PDE7B: variants seen among roughly 807,000 people sequenced by gnomAD.
PDE7B encodes the protein phosphodiesterase 7B.
Under a neutral mutation model 56.2 loss-of-function variants are expected in PDE7B, and 29 were observed. The observed-to-expected ratio is 0.52, with a 90% CI of 0.38 to 0.70. The LOEUF is 0.70. PDE7B is among the 30% of genes least tolerant of loss of function. PDE7B has a pLI of 0.00. For missense variants in PDE7B, 490 were observed against 565.0 expected (o/e 0.87, Z 1.35); for synonymous variants, 197 against 196.9 (o/e 1.00, Z 0.00).
At chr6:136,101,433 A>C (rs2128217210) in intron 2 of PDE7B, among the ~76,000 whole-genome samples, 1 of 152,160 alleles carries the variant, frequency 6.6e-6, no homozygotes, top group Admixed American at 6.5e-5. Context: ...TTATTGCCTC[A>C]ATTTCAGAAC....
intron 2 of PDE7B, among the ~76,000 whole-genome samples, chr6:135,953,419 G>C (rs960599102): frequency 6.6e-6 from 1 of 152,280 alleles, no homozygotes; most frequent in Non-Finnish European, 1.5e-5. Context: ...ATAACTGTGT[G>C]AGCAGAGGCA....
intron 2 of PDE7B, among the ~76,000 whole-genome samples, chr6:135,985,596 C>T (rs1333466937): frequency 6.6e-6 from 1 of 152,188 alleles, no homozygotes; most frequent in African/African-American, 2.4e-5. Flanking sequence ...GAACAACTTC[C>T]TGTCATCTAG....
chr6:135,967,462 A>C (rs1775014501), intron 2 of PDE7B, among the ~76,000 whole-genome samples: 1 of 152,170 alleles, frequency 6.6e-6, no homozygotes, highest in Non-Finnish European at 1.5e-5. Flanking sequence ...GCCTTTAGTG[A>C]AAAATGACTA....
intron 2 of PDE7B, among the ~76,000 whole-genome samples, chr6:136,078,625 GA>G (rs1477604674): frequency 5.3e-5 from 8 of 151,856 alleles, no homozygotes; most frequent in Non-Finnish European, 1.0e-4. Context: ...CAAAAGAGAG[GA>G]AAAAAGCTCT....
intron 1 of PDE7B, among the ~76,000 whole-genome samples, chr6:135,941,952 T>C (rs959298993): frequency 1.3e-5 from 2 of 152,154 alleles, no homozygotes; most frequent in African/African-American, 4.8e-5. Context: ...AATAAAAAGA[T>C]ATATGAAAGC....
intron 2 of PDE7B, among the ~76,000 whole-genome samples, chr6:136,057,469 A>C (rs1040088501): frequency 6.6e-6 from 1 of 152,178 alleles, no homozygotes; most frequent in Non-Finnish European, 1.5e-5. Context: ...AATTACCAAA[A>C]TGTTCTGAAT....
chr6:135,906,891 C>T (rs890338259), intron 1 of PDE7B, among the ~76,000 whole-genome samples: 2 of 126,910 alleles, frequency 1.6e-5, no homozygotes, highest in African/African-American at 6.0e-5. Context: ...AATGAGAAAT[C>T]GTTTGAGTCT....
chr6:135,943,880 G>A (rs1161109991), intron 1 of PDE7B, among the ~76,000 whole-genome samples: 3 of 152,202 alleles, frequency 2.0e-5, no homozygotes, highest in African/African-American at 7.2e-5. Context: ...TATCCTCTGT[G>A]CTGTGGAAGG....
intron 7 of PDE7B, among the ~76,000 whole-genome samples, chr6:136,154,416 CAA>C (rs5880284): frequency 0.43 from 54,106 of 124,416 alleles, 9,508 homozygotes; most frequent in South Asian, 0.49. Flanking sequence ...TGTATTTGGA[CAA>C]AAAAAAAAAA....
intron 2 of PDE7B, among the ~76,000 whole-genome samples, chr6:136,089,626 G>A (rs943847005): frequency 1.1e-4 from 17 of 152,242 alleles, no homozygotes; most frequent in East Asian, 7.7e-4. Context: ...TAGATTTTCC[G>A]AATGTTGAAA....
chr6:135,956,518 C>T (rs1434228646), intron 2 of PDE7B, among the ~76,000 whole-genome samples: 1 of 152,128 alleles, frequency 6.6e-6, no homozygotes, highest in Non-Finnish European at 1.5e-5. Flanking sequence ...GTGGCTCATG[C>T]CTGTAATCTC....
At chr6:136,158,348 AT>A (rs1778646157) in intron 8 of PDE7B, among the ~76,000 whole-genome samples, 2 of 152,252 alleles carry the variant, frequency 1.3e-5, no homozygotes, top group African/African-American at 2.4e-5. Context: ...AATGAAAAAA[AT>A]ATATGTACAT....
chr6:136,032,220 A>G (rs1776256525), intron 2 of PDE7B, among the ~76,000 whole-genome samples: 1 of 152,192 alleles, frequency 6.6e-6, no homozygotes, highest in Non-Finnish European at 1.5e-5. Context: ...GGGCCTGAAG[A>G]TACATGTTCA....
intron 1 of PDE7B, among the ~76,000 whole-genome samples, chr6:135,899,888 AT>A (rs201016477): frequency 0.021 from 3,146 of 152,160 alleles, 74 homozygotes; most frequent in Non-Finnish European, 0.032. Flanking sequence ...TGGATATATG[AT>A]TTTTTGTTAA....
At chr6:135,963,146 G>A (rs553266417) in intron 2 of PDE7B, among the ~76,000 whole-genome samples, 2 of 152,218 alleles carry the variant, frequency 1.3e-5, no homozygotes, top group Admixed American at 6.5e-5. Context: ...ATGCATGCAC[G>A]TGCACATATA....
Position 135,954,026 on chromosome 6 carries a change from G to A in PDE7B, c.82+6502G>A, listed in dbSNP as rs1454643862. On this transcript the variant is annotated intron_variant, in intron 2 of 12. Transcript: ENST00000308191. Reference sequence around the variant, plus strand: ...GATATTTTCTTACTCTGCCCAAAGAGGGTAAATTGAACCTGGATATTCTCA... The same window carrying A: ...GATATTTTCTTACTCTGCCCAAAGAAGGTAAATTGAACCTGGATATTCTCA... Among the ~76,000 whole-genome samples, 3 of 152,160 alleles carry A rather than the reference G, an allele frequency of 2.0e-5. 1 individual carries two copies. Among genetic ancestry groups the A allele is most frequent in the Admixed American group, 2.0e-4 (3 of 15,258 alleles).
chr6:136,100,673 G>A (rs1322831704), intron 2 of PDE7B, among the ~76,000 whole-genome samples: 2 of 152,224 alleles, frequency 1.3e-5, no homozygotes, highest in African/African-American at 4.8e-5. Flanking sequence ...TTTGGGCTGA[G>A]ACTGTGGGGT....
chr6:135,865,870 ATTG>A (rs571615574), intron 1 of PDE7B, among the ~76,000 whole-genome samples: 139 of 152,198 alleles, frequency 9.1e-4, no homozygotes, highest in African/African-American at 3.2e-3. Context: ...TTTATCTATT[ATTG>A]TTTTCTTCAA....
chr6:136,177,479 G>C (rs1439802663), intron 9 of PDE7B, among the ~76,000 whole-genome samples: 1 of 152,038 alleles, frequency 6.6e-6, no homozygotes, highest in Non-Finnish European at 1.5e-5. Context: ...ACTTAATAGA[G>C]TAGACAAAAA....
Sources: gnomAD v4.1 joint callset for allele counts (sites outside exome capture counted in the v4.1 genomes callset) on GRCh38, gnomAD v4.1.1 for gene constraint, MANE v1.5 for transcripts, NCBI Gene and HGNC (gene_info 2026-07-23, HGNC 2026-07-21) for gene names.